Variants in PIP5K1B observed in about 807,000 individuals in gnomAD.
PIP5K1B encodes the protein phosphatidylinositol 4-phosphate 5-kinase type-1 beta.
PIP5K1B carries 42 observed loss-of-function variants against 67.0 expected under a neutral mutation model. That is an observed-to-expected ratio of 0.63 (90% CI 0.49 to 0.81). The LOEUF is 0.81. Ranked by LOEUF, PIP5K1B falls within the 30% of genes least tolerant of loss-of-function variation. The pLI is 0.00. For missense variants in PIP5K1B, 459 were observed against 646.3 expected (o/e 0.71, Z 3.14); for synonymous variants, 214 against 231.4 (o/e 0.92, Z 0.68).
chr9:68,981,094 G>A (rs1829862450), intron 14 of PIP5K1B, among the ~76,000 whole-genome samples: 1 of 152,162 alleles, frequency 6.6e-6, no homozygotes, highest in African/African-American at 2.4e-5. Flanking sequence ...CTGCAAGATA[G>A]GATATAAATA....
rs529036711 is a variant in PIP5K1B, at chr9:68,845,996, C to T, written c.70-17841C>T. On this transcript the variant is annotated intron_variant, in intron 4 of 15. Transcript: ENST00000265382. ...AGGATTTATCTTTCATATGTACAAT[C>T]CATCTGAATTTAAGTTTCCTCATCT... Among the ~76,000 whole-genome samples, 15 of 152,216 alleles carry T rather than the reference C, an allele frequency of 9.9e-5. No homozygotes were observed. In the South Asian group the frequency reaches 1.0e-3, roughly 11 times the overall value.
chr9:68,810,817 G>A (rs1300862398), intron 2 of PIP5K1B, among the ~76,000 whole-genome samples: 1 of 149,906 alleles, frequency 6.7e-6, no homozygotes, highest in Non-Finnish European at 1.5e-5. Context: ...AAGTTTTATA[G>A]GAAAAAATTA....
chr9:68,794,252 G>T (rs1832161231), intron 2 of PIP5K1B, among the ~76,000 whole-genome samples: 1 of 152,154 alleles, frequency 6.6e-6, no homozygotes, highest in African/African-American at 2.4e-5. Context: ...GATTCTTGAG[G>T]TGAAAAAGGA....
At chr9:68,849,374 C>T (rs185173579) in intron 4 of PIP5K1B, among the ~76,000 whole-genome samples, 1 of 152,044 alleles carries the variant, frequency 6.6e-6, no homozygotes, top group Admixed American at 6.6e-5. Context: ...AGTACAGTCT[C>T]ATTTTAATTT....
chr9:68,713,099 T>C (rs1324092143), intron 1 of PIP5K1B, among the ~76,000 whole-genome samples: 1 of 152,192 alleles, frequency 6.6e-6, no homozygotes, highest in African/African-American at 2.4e-5. Flanking sequence ...CCTGAGAATT[T>C]GTTAGAAATG....
chr9:68,875,295 CAAAAAAAAAAAAAA>C (rs147022066), intron 5 of PIP5K1B, among the ~76,000 whole-genome samples: 5 of 44,844 alleles, frequency 1.1e-4, no homozygotes, highest in Non-Finnish European at 1.5e-4. Context: ...TGGTACTCAG[CAAAAAAAAAAAAAA>C]AAAAAAAAAA....
intron 2 of PIP5K1B, among the ~76,000 whole-genome samples, chr9:68,799,992 G>T (rs1258600374): frequency 1.3e-5 from 2 of 152,156 alleles, no homozygotes; most frequent in African/African-American, 4.8e-5. Flanking sequence ...CTGAAAAGGG[G>T]TTAATATTCA....
At chr9:68,884,532 C>T (rs1170063424) in intron 6 of PIP5K1B, among the ~76,000 whole-genome samples, 2 of 151,876 alleles carry the variant, frequency 1.3e-5, no homozygotes, top group Admixed American at 6.6e-5. Context: ...GGCATGGTGG[C>T]ACGTTCCTGT....
At chr9:68,798,888 CA>C (rs1246350071) in intron 2 of PIP5K1B, among the ~76,000 whole-genome samples, 2 of 151,938 alleles carry the variant, frequency 1.3e-5, no homozygotes, top group Non-Finnish European at 1.5e-5. Flanking sequence ...GGATGGAGAA[CA>C]AAAGATGGTT....
intron 2 of PIP5K1B, chr9:68,789,188 G>T: frequency 1.9e-6 from 1 of 540,302 alleles, no homozygotes; most frequent in South Asian, 1.7e-5. Context: ...GTTATCCAGT[G>T]GGAAGTTGGT....
At chr9:68,835,600 G>T (rs1367523305) in intron 4 of PIP5K1B, among the ~76,000 whole-genome samples, 3 of 152,130 alleles carry the variant, frequency 2.0e-5, no homozygotes, top group African/African-American at 7.2e-5. Flanking sequence ...CTTAGTGAAG[G>T]CCCCAATAAT....
intron 15 of PIP5K1B, among the ~76,000 whole-genome samples, chr9:68,992,211 C>T (rs776321381): frequency 9.9e-5 from 15 of 152,176 alleles, no homozygotes; most frequent in African/African-American, 3.6e-4. Context: ...ATCTGCCCAC[C>T]TTGGCCTCCC....
chr9:68,808,949 T>C (rs1833015460), intron 2 of PIP5K1B, among the ~76,000 whole-genome samples: 1 of 152,204 alleles, frequency 6.6e-6, no homozygotes. Flanking sequence ...TTACATTGAA[T>C]GTAAGACACC....
intron 2 of PIP5K1B, among the ~76,000 whole-genome samples, chr9:68,770,611 C>T (rs1302989059): frequency 1.3e-5 from 2 of 152,162 alleles, no homozygotes; most frequent in African/African-American, 4.8e-5. Context: ...GCCTGAGCCC[C>T]GCCTCCTGTT....
At chr9:68,734,965 C>G (rs957376905) in intron 1 of PIP5K1B, among the ~76,000 whole-genome samples, 1 of 152,194 alleles carries the variant, frequency 6.6e-6, no homozygotes, top group African/African-American at 2.4e-5. Flanking sequence ...TAAAAACAAC[C>G]TAGTGCCTTT....
intron 5 of PIP5K1B, among the ~76,000 whole-genome samples, chr9:68,867,346 T>A (rs1040320377): frequency 1.3e-5 from 2 of 152,248 alleles, no homozygotes; most frequent in African/African-American, 4.8e-5. Context: ...TTTGTTTAAG[T>A]AACACAGGCA....
chr9:68,845,563 C>T (rs911075990), intron 4 of PIP5K1B, among the ~76,000 whole-genome samples: 31 of 152,076 alleles, frequency 2.0e-4, no homozygotes, highest in African/African-American at 7.0e-4. Context: ...ATAGGGATCC[C>T]GAAGGCCAGG....
chr9:68,741,641 A>G (rs776239823), intron 1 of PIP5K1B: 4 of 152,238 alleles, frequency 2.6e-5, no homozygotes, highest in African/African-American at 4.8e-5. Context: ...CTTCTGCACA[A>G]CCAGGTGAGA....
Position 68,730,833 on chromosome 9 carries a change from AG to A in PIP5K1B, c.-242-11666del, listed in dbSNP as rs534080018. On this transcript the variant is annotated intron_variant, in intron 1 of 15. Coordinates refer to ENST00000265382, the MANE Select transcript of PIP5K1B (RefSeq NM_003558.4). ...TGCTGGGTACAAATTCAAATCGACT[AG>A]GTTGGAAACAAGAAAAGGATGAATG... Among the ~76,000 whole-genome samples, 24 of 152,342 alleles carry A rather than the reference AG, an allele frequency of 1.6e-4. No individual in the cohort carries two copies. In the South Asian group the frequency reaches 3.3e-3, roughly 21 times the overall value.
Sources: allele counts gnomAD v4.1 joint callset (sites outside exome capture counted in the v4.1 genomes callset), GRCh38; gene constraint gnomAD v4.1.1; transcripts MANE v1.5; gene names NCBI Gene and HGNC (gene_info 2026-07-23, HGNC 2026-07-21).